Variants in IL15 observed in about 807,000 individuals in gnomAD.
The protein encoded by IL15 is interleukin 15.
IL15 carries 11 observed loss-of-function variants against 19.6 expected under a neutral mutation model. The ratio of observed to expected loss-of-function variants is 0.56; its 90% CI spans 0.35 to 0.93. The LOEUF (loss-of-function observed/expected upper bound fraction) is 0.93. IL15 is among the 40% of genes least tolerant of loss of function. The pLI is 0.01. For synonymous variants in IL15, 58 were observed against 59.6 expected, an observed-to-expected ratio of 0.97 and a Z score of 0.12; for missense variants, 197 against 186.5, an observed-to-expected ratio of 1.06 and a Z score of -0.33.
At chr4:141,667,419 T>G (rs1276430074) in intron 2 of IL15, among the ~76,000 whole-genome samples, 1 of 152,204 alleles carries the variant, frequency 6.6e-6, no homozygotes, top group East Asian at 1.9e-4. Context: ...GGGTGTCCAC[T>G]GCAGAACTGA....
chr4:141,713,305 C>T (rs865858563), intron 2 of IL15, among the ~76,000 whole-genome samples: 1 of 152,128 alleles, frequency 6.6e-6, no homozygotes, highest in African/African-American at 2.4e-5. Context: ...AGCTGGCAAA[C>T]CAACTGTTTA....
chr4:141,673,187 T>C (rs776751312), intron 2 of IL15, among the ~76,000 whole-genome samples: 1 of 152,198 alleles, frequency 6.6e-6, no homozygotes, highest in Admixed American at 6.5e-5. Context: ...TTTCCCACTT[T>C]AGCATTTTCA....
intron 2 of IL15, among the ~76,000 whole-genome samples, chr4:141,706,913 G>T (rs1729534750): frequency 6.6e-6 from 1 of 152,016 alleles, no homozygotes; most frequent in Admixed American, 6.6e-5. Context: ...TTTAATTAGG[G>T]ACTTTTCAGC....
chr4:141,645,197 C>T (rs1236120776), intron 1 of IL15, among the ~76,000 whole-genome samples: 1 of 152,060 alleles, frequency 6.6e-6, no homozygotes, highest in Non-Finnish European at 1.5e-5. Context: ...AAGACATAAC[C>T]AGAAAATCCT....
At chr4:141,701,254 T>C (rs947324377) in intron 2 of IL15, among the ~76,000 whole-genome samples, 1 of 152,034 alleles carries the variant, frequency 6.6e-6, no homozygotes, top group African/African-American at 2.4e-5. Flanking sequence ...TTCTTTAAAT[T>C]GTTCTTGAAT....
intron 2 of IL15, among the ~76,000 whole-genome samples, chr4:141,682,733 G>T (rs905944911): frequency 2.6e-5 from 4 of 152,074 alleles, no homozygotes; most frequent in African/African-American, 9.7e-5. Context: ...GAGGCGGGTG[G>T]TTCACGAGGT....
intron 2 of IL15, among the ~76,000 whole-genome samples, chr4:141,662,426 A>G (rs939470487): frequency 6.6e-6 from 1 of 152,234 alleles, no homozygotes; most frequent in Admixed American, 6.5e-5. Flanking sequence ...AATGCACACC[A>G]TCATCTTTGT....
chr4:141,660,122 T>C (rs1036555207), intron 2 of IL15, among the ~76,000 whole-genome samples: 3 of 152,204 alleles, frequency 2.0e-5, no homozygotes, highest in African/African-American at 4.8e-5. Context: ...CCCTTGAAGG[T>C]AGCTTTTATT....
rs1158514257 is a variant in IL15, at chr4:141,729,859, G to T, written c.253G>T (p.Val85Leu). The T allele has an allele frequency of 1.3e-6, 2 of 1,565,650 alleles. No homozygotes were observed. Among genetic ancestry groups the T allele is most frequent in the Non-Finnish European group, 1.8e-6 (2 of 1,137,940 alleles). ...CTTTTATTTTTAGCCCAGTTGCAAA[G>T]TAACAGCAATGAAGTGCTTTCTCTT... is the stretch of plus-strand genomic sequence containing the variant. ...TESDVHPSCK[V>L]TAMKCFLLEL... The change falls in exon 7 of 8, where the codon GTA (valine) becomes TTA (leucine). Residue 85 changes from valine (V) to leucine (L), a missense_variant. Transcript: ENST00000320650.
chr4:141,693,240 C>T (rs1728983383), intron 2 of IL15, among the ~76,000 whole-genome samples: 1 of 151,898 alleles, frequency 6.6e-6, no homozygotes, highest in Non-Finnish European at 1.5e-5. Context: ...GTGAGAGCTC[C>T]CTCACTATCC....
intron 3 of IL15, 69 bp from the exon 4 acceptor site, chr4:141,720,400 G>A (rs1730033464): frequency 2.6e-6 from 2 of 776,994 alleles, no homozygotes; most frequent in Non-Finnish European, 4.5e-6. Context: ...AAAATATGTT[G>A]ACATGTTATT....
intron 4 of IL15, 130 bp from the exon 5 acceptor site, chr4:141,721,794 C>A: frequency 1.3e-6 from 1 of 792,918 alleles, no homozygotes; most frequent in Non-Finnish European, 2.0e-6. Context: ...CTGTTGAATG[C>A]ACAGAAGCAA....
intron 2 of IL15, among the ~76,000 whole-genome samples, chr4:141,708,309 G>A (rs1412865183): frequency 1.3e-5 from 2 of 152,202 alleles, no homozygotes; most frequent in Non-Finnish European, 2.9e-5. Flanking sequence ...GGTGGTGCAA[G>A]CATTCATGTG....
intron 2 of IL15, among the ~76,000 whole-genome samples, chr4:141,674,812 C>A (rs901149976): frequency 6.6e-6 from 1 of 152,028 alleles, no homozygotes; most frequent in Non-Finnish European, 1.5e-5. Context: ...AAATAAATTA[C>A]CCTATGTATT....
chr4:141,663,385 C>A (rs979654138), intron 2 of IL15, among the ~76,000 whole-genome samples: 3 of 152,146 alleles, frequency 2.0e-5, no homozygotes, highest in Non-Finnish European at 4.4e-5. Context: ...AAATGCATAG[C>A]ACATTTATTT....
chr4:141,660,008 T>A (rs1727736910), intron 2 of IL15, among the ~76,000 whole-genome samples: 1 of 152,202 alleles, frequency 6.6e-6, no homozygotes, highest in African/African-American at 2.4e-5. Flanking sequence ...AGTATCTCTT[T>A]CAATTTGCAC....
intron 2 of IL15, among the ~76,000 whole-genome samples, chr4:141,664,242 A>T (rs1425001423): frequency 2.0e-5 from 3 of 151,936 alleles, no homozygotes; most frequent in African/African-American, 7.3e-5. Context: ...AAAACCCCCA[A>T]ATAACCTGTG....
intron 2 of IL15, among the ~76,000 whole-genome samples, chr4:141,707,549 GA>G (rs1479249437): frequency 2.0e-5 from 3 of 152,082 alleles, no homozygotes; most frequent in African/African-American, 7.2e-5. Flanking sequence ...CTTTTTCAGG[GA>G]GAGACATTTC....
intron 5 of IL15, 47 bp downstream of exon 5, chr4:141,722,055 G>A: frequency 6.7e-7 from 1 of 1,497,358 alleles, no homozygotes; most frequent in Non-Finnish European, 9.0e-7. Flanking sequence ...CTGCTATGGA[G>A]TTTGTCTCTC....
Sources: allele counts gnomAD v4.1 joint callset (sites outside exome capture counted in the v4.1 genomes callset), GRCh38; gene constraint gnomAD v4.1.1; transcripts MANE v1.5; gene names NCBI Gene and HGNC (gene_info 2026-07-23, HGNC 2026-07-21).